CDC23: variants seen among roughly 807,000 people sequenced by gnomAD.
The protein encoded by CDC23 is cell division cycle 23, also known as cell division cycle protein 23 homolog.
A neutral mutation model predicts 81.7 loss-of-function variants in CDC23; 26 were observed. The ratio of observed to expected loss-of-function variants is 0.32; its 90% CI spans 0.23 to 0.44. The LOEUF is 0.44. Among genes scored for constraint, CDC23 ranks in the 20% least tolerant of loss-of-function variants. CDC23 has a pLI of 1.00. For synonymous variants in CDC23, 267 were observed against 270.8 expected, an observed-to-expected ratio of 0.99 and a Z score of 0.14; for missense variants, 519 against 728.0, an observed-to-expected ratio of 0.71 and a Z score of 3.30.
Position 138,191,543 on chromosome 5 carries a change from A to G in CDC23, c.1363-8T>C, listed in dbSNP as rs765266755. 2.5e-6 allele frequency: 4 copies of G among 1,613,732 alleles called. No homozygotes were observed. The East Asian group carries it at 8.9e-5, about 36-fold the overall frequency. On this transcript the variant is annotated splice_polypyrimidine_tract_variant and splice_region_variant and intron_variant, in intron 12 of 15. Coordinates refer to ENST00000394886, the MANE Select transcript of CDC23 (RefSeq NM_004661.4). ...GTAAGCTCTCCAATAACACTGTCAA[A>G]AAAATAAACTGGTCATTTTGACCAT...
At chr5:138,205,241 T>C (rs17234765) in intron 3 of CDC23, among the ~76,000 whole-genome samples, 2,462 of 152,342 alleles carry the variant, frequency 0.016, 46 homozygotes, top group African/African-American at 0.046. Flanking sequence ...TACACAGGTA[T>C]AGATTGTATG....
At chr5:138,193,630 T>C (rs1217613409) in intron 9 of CDC23, among the ~76,000 whole-genome samples, 2 of 145,328 alleles carry the variant, frequency 1.4e-5, no homozygotes, top group South Asian at 2.2e-4. Flanking sequence ...TGATTCTGTC[T>C]CAAAAAAAAA....
At chr5:138,191,634 T>C (rs1206946663) in intron 12 of CDC23, 99 bp from the exon 13 acceptor site, 1 of 1,186,864 alleles carries the variant, frequency 8.4e-7, no homozygotes, top group Non-Finnish European at 1.3e-6. Flanking sequence ...GAAGTTCAGA[T>C]TTATAGAATG....
Position 138,189,056 on chromosome 5 carries a change from G to C in CDC23, c.1716C>G (p.Phe572Leu). The change falls in exon 16 of 16, where the codon TTC becomes TTG. Residue 572 changes from phenylalanine to leucine, a missense_variant. Phe to Leu is a conservative substitution (Grantham distance 22, BLOSUM62 0). This residue lies in a region of CDC23 where 38 missense variants were observed against 34.7 expected (regional missense o/e 1.10). Transcript: ENST00000394886. Reference protein sequence around the residue: ...TPTTEVPAPFFLPASLSANNT... With the variant: ...TPTTEVPAPFLLPASLSANNT... ...TGTTAGCAGAGAGTGAAGCAGGTAG[G>C]AAAAAGGGAGCAGGCACCTCGGTGG... 1 of 1,614,056 alleles carries C rather than the reference G, an allele frequency of 6.2e-7. No individual in the cohort carries two copies. The highest frequency in any genetic ancestry group is 8.5e-7 in the Non-Finnish European group (1 of 1,179,978).
At chr5:138,204,504 CA>C (rs200166996) in intron 3 of CDC23, among the ~76,000 whole-genome samples, 38,206 of 105,940 alleles carry the variant, frequency 0.36, 5,667 homozygotes, top group South Asian at 0.47. Context: ...GACTCCATTT[CA>C]AAAAAAAAAA....
intron 15 of CDC23, 90 bp downstream of exon 15, chr5:138,189,543 G>A: frequency 1.5e-6 from 2 of 1,314,162 alleles, no homozygotes; most frequent in East Asian, 2.3e-5. Context: ...ATAGGTGTGA[G>A]CCGCTTGCCT....
At chr5:138,198,169 C>T (rs2126584104) in intron 9 of CDC23, 30 bp downstream of exon 9, 1 of 1,489,534 alleles carries the variant, frequency 6.7e-7, no homozygotes, top group Admixed American at 1.7e-5. Flanking sequence ...AAATATAAAT[C>T]TTAAAAGAAA....
chr5:138,204,864 C>T (rs1361783179), intron 3 of CDC23, among the ~76,000 whole-genome samples: 2 of 151,696 alleles, frequency 1.3e-5, no homozygotes, highest in African/African-American at 2.4e-5. Flanking sequence ...GCCTCTGCCT[C>T]CCAAAGTGCT....
At chr5:138,195,606 G>A (rs868517421) in intron 9 of CDC23, among the ~76,000 whole-genome samples, 7 of 101,722 alleles carry the variant, frequency 6.9e-5, no homozygotes, top group Admixed American at 2.9e-4. Context: ...TATTATATAT[G>A]ATATATTTAT....
intron 9 of CDC23, among the ~76,000 whole-genome samples, chr5:138,195,493 T>C (rs970413569): frequency 9.9e-5 from 13 of 131,158 alleles, no homozygotes; most frequent in African/African-American, 3.7e-4. Context: ...AGTATACATA[T>C]ATGTAAAAAA....
chr5:138,187,748 C>T lies in CDC23; in HGVS notation c.*1230G>A, dbSNP rs989149286. 4.4e-6 allele frequency: 1 copy of T among 226,074 alleles called. No individual in the cohort carries two copies. The highest frequency in any genetic ancestry group is 1.9e-3 in the Middle Eastern group (1 of 522). The allele number at this position is 226,074 out of a possible 1,614,324, so 14.0% of individuals were successfully genotyped here. On this transcript the variant is annotated 3_prime_UTR_variant, in exon 16 of 16. Transcript: ENST00000394886. Reference sequence around the variant, plus strand: ...ATTAAGAATCAAACATCATTCTGGACCATGGGAACCTTGAAAAGGCATGGC... The same window carrying T: ...ATTAAGAATCAAACATCATTCTGGATCATGGGAACCTTGAAAAGGCATGGC...
intron 2 of CDC23, among the ~76,000 whole-genome samples, chr5:138,212,507 G>A (rs1450831371): frequency 6.7e-6 from 1 of 150,272 alleles, no homozygotes; most frequent in Admixed American, 6.8e-5. Flanking sequence ...TACTAGAGAC[G>A]GGGTTTCACC....
In CDC23 at chr5:138,202,433, G is replaced by A. The variant is rs576397320; in HGVS notation, c.373-278C>T. Among the ~76,000 whole-genome samples the A allele has an allele frequency of 2.3e-4, 35 of 152,182 alleles. No homozygotes were observed. The South Asian group carries it at 6.0e-3, about 26-fold the overall frequency. ...CGAGTAGCTAGGATTACAGGCACCC[G>A]CCACCACGCCTGGCTAATTTTTGTA... On this transcript the variant is annotated intron_variant, in intron 3 of 15. Transcript: ENST00000394886.
chr5:138,206,729 C>A (rs1235533159), intron 2 of CDC23, 45 bp from the exon 3 acceptor site: 2 of 1,534,946 alleles, frequency 1.3e-6, no homozygotes, highest in African/African-American at 1.4e-5. Context: ...AATAGGACAA[C>A]AAAACTTCAA....
chr5:138,191,981 A>G, intron 11 of CDC23, 44 bp from the exon 12 acceptor site: 2 of 1,543,098 alleles, frequency 1.3e-6, no homozygotes, highest in Middle Eastern at 1.7e-4. Flanking sequence ...CTTTACAGAA[A>G]CTGAAGTTCT....
intron 2 of CDC23, among the ~76,000 whole-genome samples, chr5:138,210,257 G>A (rs1352052522): frequency 1.3e-5 from 2 of 151,038 alleles, no homozygotes; most frequent in East Asian, 3.9e-4. Flanking sequence ...CAGGCACGGT[G>A]GCTCACACCT....
intron 2 of CDC23, among the ~76,000 whole-genome samples, chr5:138,211,387 G>C (rs1000035697): frequency 9.2e-5 from 14 of 152,100 alleles, no homozygotes; most frequent in Non-Finnish European, 1.6e-4. Context: ...GAAAGCAAAG[G>C]GTGAAAACTA....
intron 2 of CDC23, among the ~76,000 whole-genome samples, chr5:138,212,127 C>T (rs1212759413): frequency 6.6e-6 from 1 of 152,256 alleles, no homozygotes; most frequent in South Asian, 2.1e-4. Flanking sequence ...ATATTATTAT[C>T]TCATTGACTT....
intron 13 of CDC23, among the ~76,000 whole-genome samples, chr5:138,191,030 A>C (rs891732662): frequency 2.6e-5 from 4 of 152,210 alleles, no homozygotes; most frequent in Non-Finnish European, 4.4e-5. Flanking sequence ...TTGACACAAA[A>C]ATGTTATCCT....
Sources: gnomAD v4.1 joint callset for allele counts (sites outside exome capture counted in the v4.1 genomes callset) on GRCh38, gnomAD v4.1.1 for gene constraint, gnomAD v4.1.1 regional missense constraint, MANE v1.5 for transcripts, NCBI Gene and HGNC (gene_info 2026-07-23, HGNC 2026-07-21) for gene names.